The following RANBP2 variants were observed in gnomAD, a reference collection of about 807,000 sequenced individuals.
RANBP2 encodes E3 SUMO-protein ligase RanBP2.
Under a neutral mutation model 303.6 loss-of-function variants are expected in RANBP2, and 57 were observed. The observed-to-expected ratio is 0.19, with a 90% CI of 0.15 to 0.23. The LOEUF is 0.23. Ranked by LOEUF, RANBP2 falls within the 10% of genes least tolerant of loss-of-function variation. RANBP2 has a pLI of 1.00. For missense variants in RANBP2, 3,138 were observed against 3,780.8 expected (o/e 0.83, Z 4.46); for synonymous variants, 1,167 against 1,301.5 (o/e 0.90, Z 2.23).
At chr2:108,811,245 C>CTTTTTTTTT in the RANBP2 span, among the ~76,000 whole-genome samples, 1,300 of 109,486 alleles carry the variant, frequency 0.012, 158 homozygotes, top group African/African-American at 0.051. Context: ...CTTTCTCTCT[C>CTTTTTTTTT]TCTTTTTTTT....
chr2:109,544,246 T>A, the RANBP2 span: 6 of 1,612,620 alleles, frequency 3.7e-6, no homozygotes, highest in Non-Finnish European at 5.1e-6. Context: ...AAAGCACACT[T>A]CTAGTTTTTT....
At chr2:109,060,658 G>C in the RANBP2 span, among the ~76,000 whole-genome samples, 1 of 152,190 alleles carries the variant, frequency 6.6e-6, no homozygotes, top group Admixed American at 6.5e-5. Flanking sequence ...TGGCTCTCCC[G>C]AGGCAGCTTC....
chr2:109,256,649 T>C, the RANBP2 span, among the ~76,000 whole-genome samples: 7 of 152,220 alleles, frequency 4.6e-5, no homozygotes, highest in Non-Finnish European at 7.3e-5. Flanking sequence ...TATTACTTTT[T>C]CCCTAGTCTT....
the RANBP2 span, among the ~76,000 whole-genome samples, chr2:109,560,151 A>C: frequency 3.3e-5 from 5 of 151,894 alleles, no homozygotes; most frequent in Non-Finnish European, 7.4e-5. Flanking sequence ...TGATCTCCTG[A>C]CCTCGTGATC....
the RANBP2 span, among the ~76,000 whole-genome samples, chr2:109,523,407 C>G: frequency 2.2e-3 from 338 of 152,198 alleles, 2 homozygotes; most frequent in Non-Finnish European, 3.1e-3. Context: ...ATGGAAAAGC[C>G]GGGTCACCCA....
the RANBP2 span, among the ~76,000 whole-genome samples, chr2:109,731,857 T>TG: frequency 2.6e-5 from 4 of 151,478 alleles, no homozygotes; most frequent in Non-Finnish European, 5.9e-5. Context: ...CTTTTTTTTT[T>TG]TGGCGAGGAG....
the RANBP2 span, among the ~76,000 whole-genome samples, chr2:109,026,759 A>G: frequency 5.3e-5 from 8 of 152,166 alleles, no homozygotes; most frequent in Non-Finnish European, 8.8e-5. Context: ...AGAGCTGCCA[A>G]ATACTTCTTA....
the RANBP2 span, among the ~76,000 whole-genome samples, chr2:108,829,633 C>A: frequency 6.6e-6 from 1 of 152,148 alleles, no homozygotes; most frequent in Non-Finnish European, 1.5e-5. Context: ...GTAGTCCCAG[C>A]TACTTGGGAG....
At chr2:109,462,807 A>G in the RANBP2 span, among the ~76,000 whole-genome samples, 1 of 152,180 alleles carries the variant, frequency 6.6e-6, no homozygotes, top group Non-Finnish European at 1.5e-5. Flanking sequence ...CTGTTGTGAG[A>G]AGGACATGAG....
At chr2:109,619,566 C>T in the RANBP2 span, among the ~76,000 whole-genome samples, 1 of 152,158 alleles carries the variant, frequency 6.6e-6, no homozygotes, top group Non-Finnish European at 1.5e-5. Flanking sequence ...CCCACTATTG[C>T]TCTATCCGGG....
the RANBP2 span, among the ~76,000 whole-genome samples, chr2:109,055,630 T>C: frequency 0.012 from 1,787 of 151,588 alleles, 39 homozygotes; most frequent in African/African-American, 0.041. Flanking sequence ...GCGATCCATC[T>C]GCCTCGACCT....
chr2:108,897,742 A>G, the RANBP2 span, among the ~76,000 whole-genome samples: 1 of 152,310 alleles, frequency 6.6e-6, no homozygotes, highest in South Asian at 2.1e-4. Context: ...TTCACTGTAC[A>G]TTAGACTCAC....
the RANBP2 span, among the ~76,000 whole-genome samples, chr2:109,376,877 C>A: frequency 6.6e-6 from 1 of 152,212 alleles, no homozygotes; most frequent in South Asian, 2.1e-4. Flanking sequence ...CTTTGTTCCC[C>A]TAAGTTTCCA....
chr2:108,782,734 A>G lies in RANBP2; in HGVS notation c.9241A>G (p.Thr3081Ala). ...GGACGGTGAACCTCTAGGGCGGATAACTATGGAATTATTTTCAAACATTGT... is the reference window on the plus strand; with the variant it reads ...GGACGGTGAACCTCTAGGGCGGATAGCTATGGAATTATTTTCAAACATTGT... The part of the protein sequence containing the change: ...CADGEPLGRI[T>A]MELFSNIVPR... Residue 3081 changes from threonine (T) to alanine (A), a missense_variant, in exon 28 of 29, where the codon ACT becomes GCT. Thr to Ala is a moderately conservative substitution (Grantham distance 58, BLOSUM62 0). Transcript: ENST00000283195. 6.2e-7 allele frequency: 1 copy of G among 1,614,222 alleles called. No individual in the cohort carries two copies. The highest frequency in any genetic ancestry group is 8.5e-7 in the Non-Finnish European group (1 of 1,180,036).
chr2:109,429,970 GCACAGCCCACCCCA>G, the RANBP2 span, among the ~76,000 whole-genome samples: 2 of 152,176 alleles, frequency 1.3e-5, no homozygotes, highest in African/African-American at 4.8e-5. Flanking sequence ...CCTCCACAGA[GCACAGCCCACCCCA>G]CACAGGCCAC....
the RANBP2 span, among the ~76,000 whole-genome samples, chr2:109,687,376 G>A: frequency 1.3e-5 from 2 of 152,144 alleles, no homozygotes; most frequent in African/African-American, 4.8e-5. Context: ...TCCATAAGAT[G>A]TTCAGGCCCA....
chr2:108,901,073 A>G, the RANBP2 span, among the ~76,000 whole-genome samples: 8 of 152,344 alleles, frequency 5.3e-5, no homozygotes, highest in African/African-American at 1.9e-4. Flanking sequence ...CCATTCAACA[A>G]CAGCAGAATA....
chr2:109,202,136 T>C, the RANBP2 span, among the ~76,000 whole-genome samples: 220 of 152,206 alleles, frequency 1.4e-3, 1 homozygote, highest in African/African-American at 4.5e-3. Flanking sequence ...CAGATCAGCA[T>C]ATGGACGCAC....
At chr2:109,109,248 A>G in the RANBP2 span, among the ~76,000 whole-genome samples, 1 of 152,242 alleles carries the variant, frequency 6.6e-6, no homozygotes, top group Non-Finnish European at 1.5e-5. Flanking sequence ...CTTTCCGAGG[A>G]AGTTCATTGT....
Sources: allele counts gnomAD v4.1 joint callset (sites outside exome capture counted in the v4.1 genomes callset), GRCh38; gene constraint gnomAD v4.1.1; transcripts MANE v1.5; gene names NCBI Gene and HGNC (gene_info 2026-07-23, HGNC 2026-07-21).